Variants in P3H4 observed in about 807,000 individuals in gnomAD.
The protein encoded by P3H4 is prolyl 3-hydroxylase family member 4 (inactive), also known as endoplasmic reticulum protein SC65.
In P3H4, 47 loss-of-function variants were observed where a neutral mutation model predicts 52.9. That is an observed-to-expected ratio of 0.89 (90% CI 0.70 to 1.13). P3H4 has a LOEUF of 1.13. P3H4 is among the 50% of genes most tolerant of loss of function. P3H4 has a pLI of 0.00. For synonymous variants in P3H4, 256 were observed against 267.9 expected, an observed-to-expected ratio of 0.96 and a Z score of 0.44; for missense variants, 585 against 611.0, an observed-to-expected ratio of 0.96 and a Z score of 0.45.
At position 41,806,875 on chromosome 17, in the gene P3H4, G is replaced by C; in HGVS notation, c.1067C>G (p.Ala356Gly). 1 of 1,613,318 alleles carries C rather than the reference G, an allele frequency of 6.2e-7. No individual in the cohort carries two copies. Among genetic ancestry groups the C allele is most frequent in the Non-Finnish European group, 8.5e-7 (1 of 1,179,690 alleles). The change falls in exon 6 of 8, where the codon GCC becomes GGC. Residue 356 changes from alanine to glycine, a missense_variant. Physicochemically the swap from Ala to Gly is moderately conservative, Grantham distance 60 (BLOSUM62 0). Transcript: ENST00000393928. Reference sequence around the variant, plus strand: ...GGCGGTCTGGTTGTGGTAGAGCATGGCCTCCTGGAAGGAGGGAAGGACGGG... The same window carrying C: ...GGCGGTCTGGTTGTGGTAGAGCATGCCCTCCTGGAAGGAGGGAAGGACGGG... ...EEEDFQPREE[A>G]MLYHNQTAEL... is the part of the protein sequence containing the mutation.
At chr17:41,806,747 C>A in intron 6 of P3H4, 49 bp downstream of exon 6, 1 of 1,520,892 alleles carries the variant, frequency 6.6e-7, no homozygotes, top group South Asian at 1.2e-5. Flanking sequence ...AGGAAAAGGT[C>A]CAAGGTGTCC....
rs1172155017 is a variant in P3H4, at chr17:41,802,559, G to GT, written c.*397dup. 2.1e-3 allele frequency: 402 copies of GT among 189,140 alleles called. No individual in the cohort carries two copies. The highest frequency in any genetic ancestry group is 4.3e-3 in the Middle Eastern group (2 of 466). 11.7% of individuals were successfully genotyped at this position (189,140 alleles called of 1,614,324 possible). A position where few individuals can be genotyped will look rare whatever the true frequency, so the allele number is the denominator to read the frequency against. ...GTGAGCCACCGTGCCGGCCCGTCTT[G>GT]TTTTTTTTTAAAGATGGAGTCTCGC... On this transcript the variant is annotated 3_prime_UTR_variant, in exon 8 of 8. Transcript: ENST00000393928.
chr17:41,811,867 C>T lies in P3H4; in HGVS notation c.49G>A (p.Gly17Arg), dbSNP rs782064602. ...GLLWLLLGSA[G>R]AQYEKYSFRG... ...AAGCTGTACTTCTCGTACTGCGCCC[C>T]GGCGCTGCCCAGCAGCAACCACAGC... Residue 17 changes from glycine to arginine, a missense_variant, in exon 1 of 8, where the codon GGG (glycine) becomes AGG (arginine). By Grantham distance (125) the Gly-to-Arg change is moderately radical (BLOSUM62 -2). Transcript: ENST00000393928. The surrounding 1 kb of genome is among the most constrained non-coding windows in gnomAD (Gnocchi z 4.8). 1.9e-6 allele frequency: 3 copies of T among 1,538,912 alleles called. No individual in the cohort carries two copies. Among genetic ancestry groups the T allele is most frequent in the Non-Finnish European group, 2.6e-6 (3 of 1,153,510 alleles).
chr17:41,806,223 A>T lies in P3H4; in HGVS notation c.1146+573T>A, dbSNP rs1241740513. ...GGCAGAGCGAGACTCCATCTCAAAAAAAAAAAATAAATAAATAAATAAAAT... is the reference window on the plus strand; with the variant it reads ...GGCAGAGCGAGACTCCATCTCAAAATAAAAAAATAAATAAATAAATAAAAT... On this transcript the variant is annotated intron_variant, in intron 6 of 7. Coordinates refer to ENST00000393928, the MANE Select transcript of P3H4 (RefSeq NM_006455.3). Among the ~76,000 whole-genome samples the T allele has an allele frequency of 3.3e-5, 5 of 151,924 alleles. No homozygotes were observed. The East Asian group carries it at 7.7e-4, about 23-fold the overall frequency.
chr17:41,810,874 G>A lies in P3H4; in HGVS notation c.776C>T (p.Pro259Leu), dbSNP rs528768906. 21 of 1,613,440 alleles carry A rather than the reference G, an allele frequency of 1.3e-5. No homozygotes were observed. Among genetic ancestry groups the A allele is most frequent in the African/African-American group, 4.0e-5 (3 of 75,044 alleles). The change falls in exon 3 of 8, where the codon CCG becomes CTG. Residue 259 changes from proline (P) to leucine (L), a missense_variant. Transcript: ENST00000393928. The part of the protein sequence containing the change: ...HEQVDFKDFY[P>L]AIADLFAESL... ...TGGGTGGCAGATACCTGCTATGGCC[G>A]GGTAGAAGTCCTTGAAGTCCACCTG...
chr17:41,803,110 G>C, intron 7 of P3H4, 131 bp from the exon 8 acceptor site: 30 of 1,419,146 alleles, frequency 2.1e-5, no homozygotes, highest in Non-Finnish European at 2.9e-5. Flanking sequence ...CTCCAGGGGA[G>C]ATGCTGCACC....
intron 6 of P3H4, among the ~76,000 whole-genome samples, chr17:41,804,406 AT>A (rs1256857052): frequency 6.6e-6 from 1 of 151,782 alleles, no homozygotes; most frequent in Non-Finnish European, 1.5e-5. Context: ...TCGGTGGATC[AT>A]TTGAGGTCAG....
chr17:41,811,622 C>G lies in P3H4; in HGVS notation c.294G>C (p.Glu98Asp), dbSNP rs567524231. 2.2e-5 allele frequency: 32 copies of G among 1,480,000 alleles called. No homozygotes were observed. Among genetic ancestry groups the G allele is most frequent in the Admixed American group, 2.7e-5 (1 of 37,300 alleles). 91.7% of individuals were successfully genotyped at this position (1,480,000 alleles called of 1,614,324 possible). Reference sequence around the variant, plus strand: ...CGAAGAGCCGCAGCTCGCAGGCCCACTCGTCTGCGCGGCCGCCGTCGGGAT... The same window carrying G: ...CGAAGAGCCGCAGCTCGCAGGCCCAGTCGTCTGCGCGGCCGCCGTCGGGAT... ...KPDPDGGRAD[E>D]WACELRLFGR... Residue 98 changes from glutamate to aspartate, a missense_variant, in exon 1 of 8, where the codon GAG becomes GAC. Physicochemically the swap from Glu to Asp is conservative, Grantham distance 45 (BLOSUM62 2). Transcript: ENST00000393928. This position sits in a 1 kb window ranked among gnomAD's most constrained non-coding sequence, Gnocchi z 4.8.
chr17:41,805,071 G>A (rs1292634093), intron 6 of P3H4, among the ~76,000 whole-genome samples: 1 of 151,910 alleles, frequency 6.6e-6, no homozygotes, highest in Non-Finnish European at 1.5e-5. Flanking sequence ...GGATCACAAG[G>A]TCAGGAGATC....
chr17:41,810,474 G>A (rs2047717845), intron 3 of P3H4, among the ~76,000 whole-genome samples: 1 of 152,034 alleles, frequency 6.6e-6, no homozygotes, highest in Non-Finnish European at 1.5e-5. Context: ...ACCTGGCCAA[G>A]TACAGTCCTT....
Position 41,802,688 on chromosome 17 carries a change from A to C in P3H4, c.*269T>G. 1 of 388,470 alleles carries C rather than the reference A, an allele frequency of 2.6e-6. No individual in the cohort carries two copies. The allele number at this position is 388,470 out of a possible 1,614,324, so 24.1% of individuals were successfully genotyped here. On this transcript the variant is annotated 3_prime_UTR_variant, in exon 8 of 8. Coordinates refer to ENST00000393928, the MANE Select transcript of P3H4 (RefSeq NM_006455.3). ...TGCCTCAGCCTCTTGAGTAGCTGGG[A>C]TTTCAGGCGCCTGCCACCACACCCG... is the stretch of plus-strand genomic sequence containing the variant.
chr17:41,807,780 G>T (rs149683818), intron 5 of P3H4, 79 bp downstream of exon 5: 1 of 1,526,898 alleles, frequency 6.5e-7, no homozygotes, highest in African/African-American at 1.4e-5. Context: ...TTACAGGCAT[G>T]AGCCACCGCG....
intron 7 of P3H4, 133 bp from the exon 8 acceptor site, chr17:41,803,112 T>C (rs1405925697): frequency 6.4e-6 from 9 of 1,415,610 alleles, no homozygotes; most frequent in Non-Finnish European, 8.7e-6. Flanking sequence ...CCAGGGGAGA[T>C]GCTGCACCAC....
rs988726105 is a variant in P3H4, at chr17:41,811,301, G to A, written c.463-17C>T. The A allele has an allele frequency of 6.2e-7, 1 of 1,611,470 alleles. No homozygotes were observed. The highest frequency in any genetic ancestry group is 1.3e-5 in the African/African-American group (1 of 74,942). On this transcript the variant is annotated splice_polypyrimidine_tract_variant and intron_variant, in intron 1 of 7. Transcript: ENST00000393928. The surrounding 1 kb of genome is among the most constrained non-coding windows in gnomAD (Gnocchi z 4.8). ...CCGGTTAGCCTGGTCGGGGGGTAGG[G>A]GGTGGGGGAGCGGGTCAGCAAGACC...
rs782009483 is a variant in P3H4 at position 41,811,079 on chromosome 17, CCCCTCCTCTACTAG to C, written c.615+39_616-46del. The C allele has an allele frequency of 1.9e-6, 3 of 1,609,398 alleles. No homozygotes were observed. The highest frequency in any genetic ancestry group is 2.2e-5 in the South Asian group (2 of 90,874). On this transcript the variant is annotated intron_variant, in intron 2 of 7. Transcript: ENST00000393928. The surrounding 1 kb of genome is among the most constrained non-coding windows in gnomAD (Gnocchi z 4.8). ...GGGAGTCAGGGCGCCCCCAACATCT[CCCCTCCTCTACTAG>C]CCCTCCTCTACAAGCCTCCTCCTGA...
Position 41,811,355 on chromosome 17 carries a change from G to A in P3H4, c.463-71C>T. 2 of 1,606,366 alleles carry A rather than the reference G, an allele frequency of 1.2e-6. No individual in the cohort carries two copies. The highest frequency in any genetic ancestry group is 1.7e-6 in the Non-Finnish European group (2 of 1,175,312). ...GCTCGCGGCCCCGAGCGCACGGCGG[G>A]CTTCGTGCCTTGGGTGAAGATAACG... On this transcript the variant is annotated intron_variant, in intron 1 of 7. Transcript: ENST00000393928. This position sits in a 1 kb window ranked among gnomAD's most constrained non-coding sequence, Gnocchi z 4.8.
In P3H4 at chr17:41,802,986, A is replaced by G. The variant is rs1597892445; in HGVS notation, c.1292-7T>C. The G allele has an allele frequency of 1.2e-6, 2 of 1,610,328 alleles. No individual in the cohort carries two copies. The highest frequency in any genetic ancestry group is 8.5e-7 in the Non-Finnish European group (1 of 1,178,728). On this transcript the variant is annotated splice_region_variant and splice_polypyrimidine_tract_variant and intron_variant, in intron 7 of 7. Transcript: ENST00000393928. ...GCGAGTTCAGGCTCTGGCTCTGAAAAGGAAAGGAGAAAGCACTGGGGTTGC... is the reference window on the plus strand; with the variant it reads ...GCGAGTTCAGGCTCTGGCTCTGAAAGGGAAAGGAGAAAGCACTGGGGTTGC...
At chr17:41,803,080 C>A in intron 7 of P3H4, 101 bp from the exon 8 acceptor site, 1 of 1,473,398 alleles carries the variant, frequency 6.8e-7, no homozygotes, top group South Asian at 1.2e-5. Context: ...CTCCCCCGGA[C>A]AGGTCTCAGC....
At position 41,807,745 on chromosome 17, in the gene P3H4, G is replaced by C. The variant is rs1555614373; in HGVS notation, c.1062+114C>G. 3 of 1,313,004 alleles carry C rather than the reference G, an allele frequency of 2.3e-6. No homozygotes were observed. The East Asian group carries it at 8.0e-5, about 35-fold the overall frequency. The allele number at this position is 1,313,004 out of a possible 1,614,324, so 81.3% of individuals were successfully genotyped here. A position where few individuals can be genotyped will look rare whatever the true frequency, so the allele number is the denominator to read the frequency against. ...GATCTCCTGACCTCGTGATCCACCC[G>C]CCTCAGCCTCCCAAAGTGCTGGGAT... On this transcript the variant is annotated intron_variant, in intron 5 of 7. Coordinates refer to ENST00000393928, the MANE Select transcript of P3H4 (RefSeq NM_006455.3).
Sources: allele counts gnomAD v4.1 joint callset (sites outside exome capture counted in the v4.1 genomes callset), GRCh38; gene constraint gnomAD v4.1.1; non-coding constraint Gnocchi (gnomAD v3.1); transcripts MANE v1.5; gene names NCBI Gene and HGNC (gene_info 2026-07-23, HGNC 2026-07-21).